TNRC6A: variants seen among roughly 807,000 people sequenced by gnomAD.
TNRC6A encodes the protein trinucleotide repeat-containing gene 6A protein.
Under a neutral mutation model 221.2 loss-of-function variants are expected in TNRC6A, and 44 were observed. The observed-to-expected ratio is 0.20, with a 90% CI of 0.16 to 0.26. The LOEUF (loss-of-function observed/expected upper bound fraction) is 0.26. Ranked by LOEUF, TNRC6A falls within the 10% of genes least tolerant of loss-of-function variation. The pLI is 1.00. For missense variants in TNRC6A, 2,199 were observed against 2,404.4 expected (o/e 0.91, Z 1.79); for synonymous variants, 847 against 838.5 (o/e 1.01, Z -0.18).
At chr16:24,645,393 GC>G (rs1596584913) in intron 2 of TNRC6A, among the ~76,000 whole-genome samples, 1 of 151,842 alleles carries the variant, frequency 6.6e-6, no homozygotes, top group East Asian at 1.9e-4. Flanking sequence ...TGTAATCCCA[GC>G]TACTCAGGAA....
chr16:24,730,950 C>T (rs2056625116), intron 2 of TNRC6A, among the ~76,000 whole-genome samples: 1 of 149,498 alleles, frequency 6.7e-6, no homozygotes, highest in African/African-American at 2.5e-5. Flanking sequence ...TTGGGCCCTG[C>T]TGCTTTTGCA....
At position 24,804,810 on chromosome 16, in the gene TNRC6A, A is replaced by G. The variant is rs148101854; in HGVS notation, c.3943A>G (p.Ile1315Val). The G allele has an allele frequency of 8.7e-6, 14 of 1,612,256 alleles. No homozygotes were observed. The highest frequency in any genetic ancestry group is 6.7e-5 in the African/African-American group (5 of 74,770). ...SALPNQALGS[I>V]AGLGMQNLNS... ...ACTACCTAACCAGGCCCTTGGCTCC[A>G]TAGCAGGGCTGGGTATGCAAAACTT... The change falls in exon 13 of 25, where the codon ATA (isoleucine) becomes GTA (valine). Residue 1315 changes from isoleucine (I) to valine (V), a missense_variant. Physicochemically the swap from Ile to Val is conservative, Grantham distance 29 (BLOSUM62 3). Transcript: ENST00000395799.
chr16:24,782,401 C>G (rs978088838), intron 5 of TNRC6A, among the ~76,000 whole-genome samples: 2 of 152,194 alleles, frequency 1.3e-5, no homozygotes, highest in Non-Finnish European at 2.9e-5. Context: ...GAGGTACCTA[C>G]ACCCATTCAT....
rs891618043 is a variant in TNRC6A, at chr16:24,612,527, G to T, written n.276+2043G>T. Among the ~76,000 whole-genome samples the T allele has an allele frequency of 3.6e-4, 54 of 151,450 alleles. 1 individual carries two copies. The highest frequency in any genetic ancestry group is 5.0e-4 in the Non-Finnish European group (34 of 67,928). The stretch of plus-strand genomic sequence containing the variant: ...TTTGTGGGGCCTAGGCGGCTGGATT[G>T]CTTGAACCCAGGAGTTCCAGACCAG... On this transcript the variant is annotated intron_variant and non_coding_transcript_variant, in intron 1 of 2. Transcript: ENST00000566108.
intron 2 of TNRC6A, among the ~76,000 whole-genome samples, chr16:24,671,826 A>C (rs1215222883): frequency 6.6e-6 from 1 of 152,210 alleles, no homozygotes; most frequent in Non-Finnish European, 1.5e-5. Context: ...CCTGGGCAAC[A>C]TAGTGAGACC....
intron 21 of TNRC6A, among the ~76,000 whole-genome samples, chr16:24,819,402 T>TC (rs2058720135): frequency 6.6e-6 from 1 of 152,080 alleles, no homozygotes; most frequent in South Asian, 2.1e-4. Flanking sequence ...GCAGTGTGTG[T>TC]CAGGAACTGG....
intron 2 of TNRC6A, among the ~76,000 whole-genome samples, chr16:24,678,329 T>A (rs200324664): frequency 2.3e-4 from 32 of 138,674 alleles, no homozygotes; most frequent in Middle Eastern, 3.7e-3. Flanking sequence ...AAAAAAAAAA[T>A]AGGCTATGGC....
At chr16:24,776,757 T>C in intron 4 of TNRC6A, 176 bp from the exon 5 acceptor site, 1 of 985,402 alleles carries the variant, frequency 1.0e-6, no homozygotes, top group Non-Finnish European at 1.2e-6. Context: ...AATATGACTC[T>C]TGGCAGTGAC....
At chr16:24,634,379 G>A (rs1025511113) in intron 1 of TNRC6A, among the ~76,000 whole-genome samples, 3 of 152,030 alleles carry the variant, frequency 2.0e-5, no homozygotes, top group Non-Finnish European at 2.9e-5. Flanking sequence ...GCAGTGAGCC[G>A]AGATCATGCC....
rs1256687089 is a variant in TNRC6A, at chr16:24,666,669, ATAT to A, written n.402+25661_402+25663del. On this transcript the variant is annotated intron_variant and non_coding_transcript_variant, in intron 2 of 2. Transcript: ENST00000566108. The stretch of plus-strand genomic sequence containing the variant: ...AAAAAAAAAAAAAAAAAAAAAAAAA[ATAT>A]ATATATATATATATATACATATGGC... Among the ~76,000 whole-genome samples the A allele has an allele frequency of 1.4e-3, 93 of 66,206 alleles. 1 individual carries two copies. Among genetic ancestry groups the A allele is most frequent in the African/African-American group, 6.6e-3 (88 of 13,258 alleles). The allele number at this position is 66,206 out of a possible 152,430, so 43.4% of individuals were successfully genotyped here.
At chr16:24,718,595 T>C (rs1349378496) in intron 2 of TNRC6A, among the ~76,000 whole-genome samples, 2 of 151,870 alleles carry the variant, frequency 1.3e-5, no homozygotes, top group African/African-American at 2.4e-5. Flanking sequence ...GTAGCAAGAG[T>C]TCTTGAAGAA....
At chr16:24,645,800 C>A (rs1902247413) in intron 2 of TNRC6A, among the ~76,000 whole-genome samples, 1 of 115,692 alleles carries the variant, frequency 8.6e-6, no homozygotes, top group Non-Finnish European at 1.7e-5. Flanking sequence ...GAGTTCGAGA[C>A]CAACCTGGGA....
In TNRC6A at chr16:24,823,894, G is replaced by T; in HGVS notation, c.*87G>T. 7.6e-7 allele frequency: 1 copy of T among 1,322,220 alleles called. No individual in the cohort carries two copies. 81.9% of individuals were successfully genotyped at this position (1,322,220 alleles called of 1,614,324 possible). Reference sequence around the variant, plus strand: ...GGCTCGCCGCCTGCAGCCAGGGGCCGCCTGTGGGAACAGCTATTCTCTGCA... The same window carrying T: ...GGCTCGCCGCCTGCAGCCAGGGGCCTCCTGTGGGAACAGCTATTCTCTGCA... On this transcript the variant is annotated 3_prime_UTR_variant, in exon 25 of 25. Transcript: ENST00000395799. The surrounding 1 kb of genome is among the most constrained non-coding windows in gnomAD (Gnocchi z 4.3).
At chr16:24,808,549 C>T (rs1261939199) in intron 17 of TNRC6A, among the ~76,000 whole-genome samples, 1 of 152,222 alleles carries the variant, frequency 6.6e-6, no homozygotes, top group Non-Finnish European at 1.5e-5. Flanking sequence ...AAAAAATTGT[C>T]AACTCCTGAT....
chr16:24,810,375 T>C (rs1374985561), intron 18 of TNRC6A, among the ~76,000 whole-genome samples: 1 of 152,200 alleles, frequency 6.6e-6, no homozygotes, highest in Admixed American at 6.5e-5. Flanking sequence ...TATGTATGTA[T>C]GTATATACGT....
Position 24,806,779 on chromosome 16 carries a change from C to G in TNRC6A, c.4535C>G (p.Pro1512Arg), listed in dbSNP as rs376703588. Residue 1512 changes from proline to arginine, a missense_variant, in exon 17 of 25, where the codon CCT becomes CGT. This residue lies in a region of TNRC6A where 449 missense variants were observed against 579.7 expected (regional missense o/e 0.77). Transcript: ENST00000395799. ...CCAATAAATGCTTTCAGCAACTTCCCTATAGGTGGGTTTCTCCTTGGCCCA... is the reference window on the plus strand; with the variant it reads ...CCAATAAATGCTTTCAGCAACTTCCGTATAGGTGGGTTTCTCCTTGGCCCA... ...PSPINAFSNF[P>R]IGLNSNLNVN... The G allele has an allele frequency of 1.2e-6, 2 of 1,614,018 alleles. No individual in the cohort carries two copies. The highest frequency in any genetic ancestry group is 1.7e-6 in the Non-Finnish European group (2 of 1,180,032).
At chr16:24,670,998 G>C in intron 2 of TNRC6A, 1 of 403,894 alleles carries the variant, frequency 2.5e-6, no homozygotes, top group South Asian at 1.7e-5. Context: ...CCAGTCTCCT[G>C]GCAGCACATT....
At chr16:24,722,408 C>T (rs1004418463) in intron 2 of TNRC6A, among the ~76,000 whole-genome samples, 1 of 134,436 alleles carries the variant, frequency 7.4e-6, no homozygotes, top group Admixed American at 8.1e-5. Context: ...AGCAAGACCC[C>T]AACTATTTAT....
intron 2 of TNRC6A, among the ~76,000 whole-genome samples, chr16:24,738,196 A>G (rs2056813418): frequency 1.3e-5 from 2 of 152,184 alleles, no homozygotes; most frequent in Non-Finnish European, 2.9e-5. Flanking sequence ...TCAATTTAGC[A>G]CTGTCCCTTC....
Sources: allele counts gnomAD v4.1 joint callset (sites outside exome capture counted in the v4.1 genomes callset), GRCh38; gene constraint gnomAD v4.1.1; regional missense constraint gnomAD v4.1.1; non-coding constraint Gnocchi (gnomAD v3.1); transcripts MANE v1.5; gene names NCBI Gene and HGNC (gene_info 2026-07-23, HGNC 2026-07-21).